DMXL1: variants seen among roughly 807,000 people sequenced by gnomAD.
DMXL1 encodes the protein Dmx like 1.
DMXL1 carries 99 observed loss-of-function variants against 319.2 expected under a neutral mutation model. That is an observed-to-expected ratio of 0.31 (90% CI 0.26 to 0.37). The LOEUF (loss-of-function observed/expected upper bound fraction) is 0.37, where lower values mean the gene tolerates loss of function less well. Among genes scored for constraint, DMXL1 ranks in the 10% least tolerant of loss-of-function variants. The pLI, the probability that DMXL1 is intolerant of heterozygous loss-of-function variation, is 1.00. For synonymous variants in DMXL1, 1,385 were observed against 1,235.2 expected (o/e 1.12, Z -2.54); for missense variants, 3,745 against 3,595.6 (o/e 1.04, Z -1.06).
rs1778379754 is a variant in DMXL1, at chr5:119,189,764, A to G, written c.7192A>G (p.Met2398Val). The G allele has an allele frequency of 6.2e-7, 1 of 1,614,138 alleles. No individual in the cohort carries two copies. The highest frequency in any genetic ancestry group is 1.3e-5 in the African/African-American group (1 of 75,060). ...GAACAAACGTTTTAGGCCGTCAAAA[A>G]TGTCTTGCAGAGAATCTGCCCCACT... Reference protein sequence around the residue: ...KQNKRFRPSKMSCRESAPLTP... With the variant: ...KQNKRFRPSKVSCRESAPLTP... The change falls in exon 29 of 44, where the codon ATG (methionine) becomes GTG (valine). Residue 2398 changes from methionine (M) to valine (V), a missense_variant. By Grantham distance (21) the Met-to-Val change is conservative (BLOSUM62 1). This residue lies in a region of DMXL1 where 1,382 missense variants were observed against 1,269.5 expected (regional missense o/e 1.09). Transcript: ENST00000539542.
chr5:119,188,798 G>C (rs1275904570), intron 28 of DMXL1, among the ~76,000 whole-genome samples: 1 of 152,214 alleles, frequency 6.6e-6, no homozygotes, highest in East Asian at 1.9e-4. Context: ...ACTATAGCTT[G>C]TTATAATGCA....
intron 1 of DMXL1, among the ~76,000 whole-genome samples, chr5:119,097,433 G>A (rs1756222002): frequency 6.6e-6 from 1 of 152,040 alleles, no homozygotes; most frequent in South Asian, 2.1e-4. Context: ...GATGAAAAAA[G>A]TGAGCCGGGC....
chr5:119,071,928 C>T (rs1749680846), intron 1 of DMXL1, among the ~76,000 whole-genome samples: 1 of 152,100 alleles, frequency 6.6e-6, no homozygotes, highest in South Asian at 2.1e-4. Context: ...GGGTGCTTTG[C>T]CAAAGTCGTT....
chr5:119,136,676 A>C (rs1007669944), intron 13 of DMXL1, among the ~76,000 whole-genome samples: 14 of 152,236 alleles, frequency 9.2e-5, no homozygotes, highest in African/African-American at 1.2e-4. Flanking sequence ...AGCCATGGCT[A>C]AAAGGGGCCG....
chr5:119,245,293 T>A (rs191755921), intron 43 of DMXL1, among the ~76,000 whole-genome samples: 22 of 152,126 alleles, frequency 1.4e-4, no homozygotes, highest in African/African-American at 5.3e-4. Flanking sequence ...ACTAGGGGGG[T>A]TTAGTTTCAT....
At chr5:119,178,445 A>C (rs1367862139) in intron 28 of DMXL1, 1 of 367,798 alleles carries the variant, frequency 2.7e-6, no homozygotes, top group Non-Finnish European at 3.8e-6. Context: ...TTCCTGTACC[A>C]ATAATTAGAA....
chr5:119,085,494 C>T (rs1753167744), intron 1 of DMXL1, among the ~76,000 whole-genome samples: 1 of 151,946 alleles, frequency 6.6e-6, no homozygotes, highest in Non-Finnish European at 1.5e-5. Context: ...TTCTATACAC[C>T]ATTGATGTAT....
At chr5:119,178,272 G>A (rs1776187489) in intron 28 of DMXL1, 28 bp downstream of exon 28, 1 of 1,601,030 alleles carries the variant, frequency 6.2e-7, no homozygotes, top group Non-Finnish European at 8.5e-7. Context: ...TTTTAGGACT[G>A]AAGCTTTATT....
chr5:119,135,193 T>G (rs886251746), intron 13 of DMXL1, among the ~76,000 whole-genome samples: 3 of 152,184 alleles, frequency 2.0e-5, no homozygotes, highest in African/African-American at 7.2e-5. Context: ...GGTCTTCTAT[T>G]TATCAGGCAT....
intron 19 of DMXL1, among the ~76,000 whole-genome samples, chr5:119,156,530 A>G (rs754681376): frequency 1.1e-4 from 16 of 152,170 alleles, no homozygotes; most frequent in African/African-American, 2.2e-4. Flanking sequence ...TAACTAAACT[A>G]TTGTGAAGAA....
At chr5:119,220,773 A>G (rs558585330) in intron 36 of DMXL1, among the ~76,000 whole-genome samples, 167 bp from the exon 37 acceptor site, 1 of 152,348 alleles carries the variant, frequency 6.6e-6, no homozygotes, top group South Asian at 2.1e-4. Context: ...AGAGTAAGTG[A>G]AGGGAACAGA....
At chr5:119,085,659 T>C (rs1580605184) in intron 1 of DMXL1, among the ~76,000 whole-genome samples, 1 of 152,300 alleles carries the variant, frequency 6.6e-6, no homozygotes, top group East Asian at 1.9e-4. Context: ...CTTCTTCCTT[T>C]CCAATTTGGT....
At chr5:119,175,855 A>G (rs941637827) in intron 26 of DMXL1, among the ~76,000 whole-genome samples, 1 of 152,082 alleles carries the variant, frequency 6.6e-6, no homozygotes, top group Admixed American at 6.6e-5. Context: ...AAATTTATCT[A>G]GGCTTCAAAA....
intron 19 of DMXL1, among the ~76,000 whole-genome samples, chr5:119,162,875 GTT>G (rs1772573092): frequency 6.6e-6 from 1 of 152,130 alleles, no homozygotes; most frequent in Non-Finnish European, 1.5e-5. Context: ...TTTTCAAAGT[GTT>G]CCGTATAGAA....
chr5:119,240,526 A>G (rs1788581976), intron 42 of DMXL1, 55 bp downstream of exon 42: 3 of 1,201,194 alleles, frequency 2.5e-6, no homozygotes, highest in Non-Finnish European at 3.6e-6. Context: ...CATAAGCTAA[A>G]TATTATTTAT....
At chr5:119,222,074 A>G (rs983825227) in intron 37 of DMXL1, among the ~76,000 whole-genome samples, 2 of 152,162 alleles carry the variant, frequency 1.3e-5, no homozygotes, top group Non-Finnish European at 2.9e-5. Context: ...ATTAATTAGT[A>G]TGAGCAATTG....
At chr5:119,136,029 GACTTGTTGAATGGT>G (rs1765914263) in intron 13 of DMXL1, among the ~76,000 whole-genome samples, 1 of 152,220 alleles carries the variant, frequency 6.6e-6, no homozygotes, top group African/African-American at 2.4e-5. Flanking sequence ...ACTTCCTAGA[GACTTGTTGAATGGT>G]TTTGACCAAA....
At position 119,203,568 on chromosome 5, in the gene DMXL1, A is replaced by C. The variant is rs140366772; in HGVS notation, c.7863+132A>C. On this transcript the variant is annotated intron_variant, in intron 33 of 43. Coordinates refer to ENST00000539542, the MANE Select transcript of DMXL1 (RefSeq NM_001290321.3). Reference sequence around the variant, plus strand: ...TCATAAACATAGGCAATTAATGCTTAGAACAGTGTAATTTATAAAAGGGGC... The same window carrying C: ...TCATAAACATAGGCAATTAATGCTTCGAACAGTGTAATTTATAAAAGGGGC... 1,030 of 383,422 alleles carry C rather than the reference A, an allele frequency of 2.7e-3. 11 individuals are homozygous for C. Among genetic ancestry groups the C allele is most frequent in the African/African-American group, 0.02 (962 of 47,804 alleles). 23.8% of individuals were successfully genotyped at this position (383,422 alleles called of 1,614,324 possible). A position where few individuals can be genotyped will look rare whatever the true frequency, so the allele number is the denominator to read the frequency against.
chr5:119,142,594 T>G (rs1210610143), intron 13 of DMXL1, among the ~76,000 whole-genome samples: 1 of 150,874 alleles, frequency 6.6e-6, no homozygotes, highest in Non-Finnish European at 1.5e-5. Context: ...GATGGGAGTG[T>G]AAATTAATTC....
Sources: gnomAD v4.1 joint callset for allele counts (sites outside exome capture counted in the v4.1 genomes callset) on GRCh38, gnomAD v4.1.1 for gene constraint, gnomAD v4.1.1 regional missense constraint, MANE v1.5 for transcripts, NCBI Gene and HGNC (gene_info 2026-07-23, HGNC 2026-07-21) for gene names.